The following GRID2 variants were observed in gnomAD, a reference collection of about 807,000 sequenced individuals.
The protein encoded by GRID2 is glutamate receptor ionotropic, delta-2.
A neutral mutation model predicts 114.8 loss-of-function variants in GRID2; 33 were observed. The ratio of observed to expected loss-of-function variants is 0.29; its 90% CI spans 0.22 to 0.38. The LOEUF is 0.38. Ranked by LOEUF, GRID2 falls within the 10% of genes least tolerant of loss-of-function variation. The pLI is 1.00. For synonymous variants in GRID2, 505 were observed against 449.9 expected, an observed-to-expected ratio of 1.12 and a Z score of -1.55; for missense variants, 1,184 against 1,257.7, an observed-to-expected ratio of 0.94 and a Z score of 0.89.
At chr4:92,541,190 G>T (rs1044724427) in intron 1 of GRID2, among the ~76,000 whole-genome samples, 1 of 152,032 alleles carries the variant, frequency 6.6e-6, no homozygotes, top group African/African-American at 2.4e-5. Context: ...TATATCTAAT[G>T]TTAAATGACG....
intron 1 of GRID2, among the ~76,000 whole-genome samples, chr4:92,519,601 T>TCA (rs1553944878): frequency 6.7e-6 from 1 of 149,510 alleles, no homozygotes; most frequent in African/African-American, 2.5e-5. Context: ...ATATATGAGA[T>TCA]TATATATATA....
intron 1 of GRID2, among the ~76,000 whole-genome samples, chr4:92,454,067 A>G (rs1253421106): frequency 6.6e-6 from 1 of 152,208 alleles, no homozygotes; most frequent in Non-Finnish European, 1.5e-5. Context: ...CTATGTCATA[A>G]TAGTACATGA....
At chr4:92,698,655 A>G (rs1470279454) in intron 2 of GRID2, among the ~76,000 whole-genome samples, 1 of 151,894 alleles carries the variant, frequency 6.6e-6, no homozygotes, top group Non-Finnish European at 1.5e-5. Flanking sequence ...AAAGAATGGA[A>G]AAGTAGAAAT....
At chr4:93,779,965 C>T (rs1734447081) in intron 1 of GRID2, among the ~76,000 whole-genome samples, 1 of 152,206 alleles carries the variant, frequency 6.6e-6, no homozygotes, top group Non-Finnish European at 1.5e-5. Context: ...TTTACCCAGG[C>T]CCTGCTGTGT....
At chr4:92,975,996 G>A (rs1356848439) in intron 2 of GRID2, among the ~76,000 whole-genome samples, 1 of 151,932 alleles carries the variant, frequency 6.6e-6, no homozygotes, top group African/African-American at 2.4e-5. Context: ...CTGCATACAA[G>A]TGCTTTTTCT....
intron 7 of GRID2, among the ~76,000 whole-genome samples, chr4:93,231,207 C>G (rs966939545): frequency 2.0e-5 from 3 of 151,850 alleles, no homozygotes; most frequent in African/African-American, 7.3e-5. Flanking sequence ...CAGAAGTGTA[C>G]TATATTTAAA....
intron 2 of GRID2, among the ~76,000 whole-genome samples, chr4:92,755,294 C>G (rs1213873543): frequency 2.0e-5 from 3 of 152,174 alleles, no homozygotes; most frequent in Admixed American, 2.0e-4. Context: ...TTGGCAGGTA[C>G]TGCTCTTAGC....
chr4:92,554,943 G>A (rs779687886), intron 1 of GRID2, among the ~76,000 whole-genome samples: 4 of 152,026 alleles, frequency 2.6e-5, no homozygotes, highest in South Asian at 2.1e-4. Flanking sequence ...TTTATTGCTC[G>A]TCAGTAAAGG....
At chr4:93,193,659 C>T (rs991640767) in intron 4 of GRID2, among the ~76,000 whole-genome samples, 2 of 152,244 alleles carry the variant, frequency 1.3e-5, no homozygotes, top group Admixed American at 1.3e-4. Context: ...CTAATATATC[C>T]TTATTTGCTC....
chr4:93,085,758 A>C (rs892993089), intron 3 of GRID2, among the ~76,000 whole-genome samples: 1 of 152,104 alleles, frequency 6.6e-6, no homozygotes. Flanking sequence ...CCTACTCAGT[A>C]CTTAACTCCT....
chr4:92,572,737 A>G (rs1727691533), intron 1 of GRID2, among the ~76,000 whole-genome samples: 1 of 152,028 alleles, frequency 6.6e-6, no homozygotes, highest in Non-Finnish European at 1.5e-5. Context: ...TGTTTTGTTG[A>G]GTATTTTCAC....
At chr4:92,747,683 T>C (rs1737220143) in intron 2 of GRID2, among the ~76,000 whole-genome samples, 1 of 152,176 alleles carries the variant, frequency 6.6e-6, no homozygotes, top group Non-Finnish European at 1.5e-5. Context: ...CTTCCTGACC[T>C]TTCCTTTTTC....
At chr4:92,398,384 T>C (rs1730612218) in intron 1 of GRID2, among the ~76,000 whole-genome samples, 1 of 152,288 alleles carries the variant, frequency 6.6e-6, no homozygotes, top group Admixed American at 6.5e-5. Context: ...CATTGCAGCC[T>C]TGATCTCCTG....
chr4:92,383,834 C>T (rs1729734864), intron 1 of GRID2, among the ~76,000 whole-genome samples: 1 of 151,818 alleles, frequency 6.6e-6, no homozygotes, highest in Admixed American at 6.6e-5. Context: ...TCAAAATTAG[C>T]TTCATGATAT....
chr4:92,770,019 C>A (rs1041454612), intron 2 of GRID2, among the ~76,000 whole-genome samples: 1 of 152,172 alleles, frequency 6.6e-6, no homozygotes, highest in African/African-American at 2.4e-5. Context: ...CATTGTTAGG[C>A]TGCAAATTTT....
At chr4:93,007,614 C>T (rs1721685746) in intron 2 of GRID2, among the ~76,000 whole-genome samples, 1 of 151,980 alleles carries the variant, frequency 6.6e-6, no homozygotes, top group Admixed American at 6.6e-5. Flanking sequence ...ATTAAATAAA[C>T]TTGACAAAGG....
chr4:93,591,632 T>C (rs1738321113), intron 13 of GRID2, among the ~76,000 whole-genome samples: 1 of 151,908 alleles, frequency 6.6e-6, no homozygotes, highest in South Asian at 2.1e-4. Flanking sequence ...GAAGGAATGG[T>C]ACCAGTTCCT....
chr4:93,482,632 C>G (rs578213632), intron 11 of GRID2, among the ~76,000 whole-genome samples: 37 of 151,980 alleles, frequency 2.4e-4, no homozygotes, highest in African/African-American at 8.2e-4. Context: ...AGCAAACCAC[C>G]ATAGCACATG....
At chr4:93,077,369 CA>C (rs1729430959) in intron 2 of GRID2, among the ~76,000 whole-genome samples, 1 of 152,114 alleles carries the variant, frequency 6.6e-6, no homozygotes, top group Non-Finnish European at 1.5e-5. Flanking sequence ...TTCTCTTACA[CA>C]AACATAAACA....
Sources: gnomAD v4.1 joint callset for allele counts (sites outside exome capture counted in the v4.1 genomes callset) on GRCh38, gnomAD v4.1.1 for gene constraint, MANE v1.5 for transcripts, NCBI Gene and HGNC (gene_info 2026-07-23, HGNC 2026-07-21) for gene names.